The following ATM variants were observed in gnomAD, a reference collection of about 807,000 sequenced individuals.
ATM encodes serine-protein kinase ATM.
Under a neutral mutation model 387.0 loss-of-function variants are expected in ATM, and 308 were observed. The ratio of observed to expected loss-of-function variants is 0.80; its 90% CI spans 0.73 to 0.87. The LOEUF (loss-of-function observed/expected upper bound fraction) is 0.87, where lower values mean the gene tolerates loss of function less well. ATM is among the 40% of genes least tolerant of loss of function. The pLI is 0.00. For missense variants in ATM, 3,312 were observed against 3,560.9 expected (o/e 0.93, Z 1.78); for synonymous variants, 1,156 against 1,187.3 (o/e 0.97, Z 0.54).
intron 4 of ATM, among the ~76,000 whole-genome samples, chr11:108,232,767 C>T (rs1031547002): frequency 6.6e-6 from 1 of 151,926 alleles, no homozygotes; most frequent in Non-Finnish European, 1.5e-5. Flanking sequence ...TCTCAAACTC[C>T]TGGCCTCAAG....
intron 61 of ATM, among the ~76,000 whole-genome samples, chr11:108,356,911 C>G (rs1565587177): frequency 6.6e-6 from 1 of 152,192 alleles, no homozygotes; most frequent in South Asian, 2.1e-4. Flanking sequence ...CAATAACTGT[C>G]ACCTTTAAAC....
rs563482577 is a variant in ATM at position 108,259,079 on chromosome 11, A to C, written c.2466+4A>C. ...TGCAGATATTTGTAAAAGTTTAGTAAGTATGCTTCCTGTTTTGCTATCATA... is the reference window on the plus strand; with the variant it reads ...TGCAGATATTTGTAAAAGTTTAGTACGTATGCTTCCTGTTTTGCTATCATA... On this transcript the variant is annotated splice_donor_region_variant and intron_variant, in intron 16 of 62. Transcript: ENST00000675843. The C allele has an allele frequency of 6.2e-7, 1 of 1,606,870 alleles. No homozygotes were observed. The highest frequency in any genetic ancestry group is 8.5e-7 in the Non-Finnish European group (1 of 1,174,538).
At chr11:108,284,887 T>C (rs1266802422) in intron 26 of ATM, among the ~76,000 whole-genome samples, 1 of 152,170 alleles carries the variant, frequency 6.6e-6, no homozygotes, top group Non-Finnish European at 1.5e-5. Context: ...CCTATAGTTC[T>C]CATACCCTGC....
intron 14 of ATM, 46 bp from the exon 15 acceptor site, chr11:108,257,435 C>G (rs761620396): frequency 1.2e-6 from 2 of 1,601,948 alleles, no homozygotes; most frequent in Non-Finnish European, 1.7e-6. Context: ...CAATACTAAA[C>G]TATAATTTTA....
chr11:108,261,742 T>C (rs1280645228), intron 16 of ATM, among the ~76,000 whole-genome samples: 1 of 151,890 alleles, frequency 6.6e-6, no homozygotes, highest in Non-Finnish European at 1.5e-5. Context: ...TGAAAAAAAT[T>C]TAGAAGAATG....
chr11:108,295,098 T>G (rs1201893827), intron 32 of ATM, 39 bp downstream of exon 32: 1 of 1,612,026 alleles, frequency 6.2e-7, no homozygotes, highest in Non-Finnish European at 8.5e-7. Flanking sequence ...TCTACCTGTT[T>G]CTTTTTGAAA....
intron 53 of ATM, among the ~76,000 whole-genome samples, chr11:108,333,134 C>T (rs887689725): frequency 7.2e-5 from 11 of 152,116 alleles, no homozygotes; most frequent in Non-Finnish European, 1.5e-5. Context: ...TTCTGATAAT[C>T]TTCTGGCATA....
chr11:108,355,455 A>G (rs1478176343), intron 61 of ATM: 1 of 157,138 alleles, frequency 6.4e-6, no homozygotes, highest in Admixed American at 6.1e-5. Context: ...CAGGGCAGAA[A>G]AAAGGAAGTC....
At chr11:108,364,769 G>T (rs2091157550) in intron 61 of ATM, among the ~76,000 whole-genome samples, 1 of 152,110 alleles carries the variant, frequency 6.6e-6, no homozygotes, top group Non-Finnish European at 1.5e-5. Flanking sequence ...ACTAACCCAG[G>T]GTTAAGAGTA....
chr11:108,309,423 C>T (rs1053871006), intron 38 of ATM, among the ~76,000 whole-genome samples: 1 of 152,136 alleles, frequency 6.6e-6, no homozygotes, highest in African/African-American at 2.4e-5. Flanking sequence ...CACCCATTCT[C>T]CAAGGTCCAT....
intron 23 of ATM, among the ~76,000 whole-genome samples, chr11:108,280,017 C>T (rs1013468276): frequency 5.3e-5 from 8 of 152,162 alleles, no homozygotes; most frequent in African/African-American, 1.9e-4. Context: ...TGTGATATTT[C>T]ACGTTTCTGT....
rs148570481 is a variant in ATM at position 108,316,246 on chromosome 11, T to G, written c.6198+133T>G. 23 of 938,624 alleles carry G rather than the reference T, an allele frequency of 2.5e-5. No individual in the cohort carries two copies. In the African/African-American group the frequency reaches 3.8e-4, roughly 15 times the overall value. The allele number at this position is 938,624 out of a possible 1,614,324, so 58.1% of individuals were successfully genotyped here. On this transcript the variant is annotated intron_variant, in intron 42 of 62. Transcript: ENST00000675843. ...AGAACTTATCTGTTTTTCAGAGGAT[T>G]AGGCTAAACATTCAGGGATACTCCT...
chr11:108,337,125 T>C (rs1012500635), intron 56 of ATM, among the ~76,000 whole-genome samples: 2 of 152,332 alleles, frequency 1.3e-5, no homozygotes, highest in Non-Finnish European at 2.9e-5. Context: ...AAAATGCTGC[T>C]TGAGTTAGGC....
intron 24 of ATM, among the ~76,000 whole-genome samples, chr11:108,282,272 C>T (rs1293731998): frequency 8.6e-5 from 13 of 151,928 alleles, no homozygotes; most frequent in East Asian, 1.9e-4. Context: ...GGACTACAGG[C>T]GCCCGTCGTC....
At position 108,343,334 on chromosome 11, in the gene ATM, A is replaced by C; in HGVS notation, c.8381A>C (p.Asn2794Thr). 1 of 1,614,032 alleles carries C rather than the reference A, an allele frequency of 6.2e-7. No individual in the cohort carries two copies. The highest frequency in any genetic ancestry group is 8.5e-7 in the Non-Finnish European group (1 of 1,179,906). The change falls in exon 57 of 63, where the codon AAT (asparagine) becomes ACT (threonine). Residue 2794 changes from asparagine to threonine, a missense_variant. Coordinates refer to ENST00000675843, the MANE Select transcript of ATM (RefSeq NM_000051.4). ...EDGAHKRYRP[N>T]DFSAFQCQKK... ...GGTGCTCATAAAAGATACAGGCCAA[A>C]TGATTTCAGTGCCTTTCAGTGCCAA...
intron 61 of ATM, among the ~76,000 whole-genome samples, chr11:108,360,250 A>G (rs1233182716): frequency 1.7e-4 from 21 of 127,066 alleles, no homozygotes; most frequent in African/African-American, 1.9e-4. Flanking sequence ...AACCAGGAAG[A>G]AGTTGAATCT....
intron 16 of ATM, among the ~76,000 whole-genome samples, chr11:108,261,311 A>G (rs1455987449): frequency 6.6e-6 from 1 of 152,224 alleles, no homozygotes; most frequent in Non-Finnish European, 1.5e-5. Context: ...TGCCTCCTCA[A>G]GTGGGTCCCT....
chr11:108,325,440 A>T lies in ATM; in HGVS notation c.6703A>T (p.Met2235Leu), dbSNP rs768791795. The change falls in exon 46 of 63, where the codon ATG (methionine) becomes TTG (leucine). Residue 2235 changes from methionine to leucine, a missense_variant. Met to Leu is a conservative substitution (Grantham distance 15). Transcript: ENST00000675843. ...ALRTVILEIL[M>L]EKEMDNSQRE... ...ACGCACAGTCATTTTGGAGATCCTGATGGAAAAGGAAATGGACAACTCACA... is the reference window on the plus strand; with the variant it reads ...ACGCACAGTCATTTTGGAGATCCTGTTGGAAAAGGAAATGGACAACTCACA... 1 of 1,613,602 alleles carries T rather than the reference A, an allele frequency of 6.2e-7. No individual in the cohort carries two copies. The highest frequency in any genetic ancestry group is 8.5e-7 in the Non-Finnish European group (1 of 1,179,852).
intron 13 of ATM, 104 bp downstream of exon 13, chr11:108,254,143 G>C: frequency 8.8e-7 from 1 of 1,130,628 alleles, no homozygotes; most frequent in African/African-American, 1.6e-5. Flanking sequence ...ATGGTGGGAG[G>C]CTTCATTTTA....
Sources: gnomAD v4.1 joint callset for allele counts (sites outside exome capture counted in the v4.1 genomes callset) on GRCh38, gnomAD v4.1.1 for gene constraint, MANE v1.5 for transcripts, NCBI Gene and HGNC (gene_info 2026-07-23, HGNC 2026-07-21) for gene names.